The following DENND1B variants were observed in gnomAD, a reference collection of about 807,000 sequenced individuals.
The protein encoded by DENND1B is DENN domain containing 1B, also known as DENN domain-containing protein 1B.
In DENND1B, 59 loss-of-function variants were observed where a neutral mutation model predicts 90.1. That is an observed-to-expected ratio of 0.65 (90% CI 0.53 to 0.81). The LOEUF (loss-of-function observed/expected upper bound fraction) is 0.81. Among genes scored for constraint, DENND1B ranks in the 40% least tolerant of loss-of-function variants. The probability of loss-of-function intolerance (pLI) is 0.00; values close to 1 mark genes in which losing one functional copy is unlikely to be tolerated. For synonymous variants in DENND1B, 337 were observed against 324.6 expected (o/e 1.04, Z -0.41); for missense variants, 862 against 912.6 (o/e 0.94, Z 0.71).
Position 197,510,611 on chromosome 1 carries a change from A to G in DENND1B, c.2177T>C (p.Phe726Ser). Residue 726 changes from phenylalanine to serine, a missense_variant, in exon 23 of 23, where the codon TTT becomes TCT. Transcript: ENST00000620048. Reference sequence around the variant, plus strand: ...TTTCCCTTCTTTCTCCCAAGGAACAAAAGTCGATGAATGCCGCCCAAGACC... The same window carrying G: ...TTTCCCTTCTTTCTCCCAAGGAACAGAAGTCGATGAATGCCGCCCAAGACC... ...IPGLGRHSST[F>S]VPWEKEGKEA... The G allele has an allele frequency of 1.2e-6, 2 of 1,612,796 alleles. No individual in the cohort carries two copies. The highest frequency in any genetic ancestry group is 1.3e-5 in the African/African-American group (1 of 74,892).
At chr1:197,601,978 T>C (rs1676255390) in intron 13 of DENND1B, among the ~76,000 whole-genome samples, 1 of 151,624 alleles carries the variant, frequency 6.6e-6, no homozygotes. Flanking sequence ...TGATAATAAC[T>C]ATTTAAAAGA....
chr1:197,671,694 G>C (rs1655520150), intron 5 of DENND1B, among the ~76,000 whole-genome samples: 1 of 151,806 alleles, frequency 6.6e-6, no homozygotes, highest in Non-Finnish European at 1.5e-5. Context: ...TCCAAGTTCT[G>C]GTTCAGTGAC....
chr1:197,607,899 C>A (rs1438880718), intron 12 of DENND1B, among the ~76,000 whole-genome samples: 1 of 150,564 alleles, frequency 6.6e-6, no homozygotes, highest in Non-Finnish European at 1.5e-5. Context: ...ACTTATGGTT[C>A]ATTTTTCCTA....
At chr1:197,640,840 C>A (rs944839060) in intron 10 of DENND1B, among the ~76,000 whole-genome samples, 1 of 152,152 alleles carries the variant, frequency 6.6e-6, no homozygotes, top group African/African-American at 2.4e-5. Context: ...GGCACAGCGG[C>A]GTGTGCCTAT....
At chr1:197,551,774 C>T (rs1671262027) in intron 16 of DENND1B, among the ~76,000 whole-genome samples, 1 of 152,064 alleles carries the variant, frequency 6.6e-6, no homozygotes, top group Admixed American at 6.6e-5. Flanking sequence ...CATGGGCTGA[C>T]AAAATTTTGC....
chr1:197,538,776 G>C (rs1475405084), intron 20 of DENND1B, among the ~76,000 whole-genome samples: 3 of 146,364 alleles, frequency 2.0e-5, no homozygotes, highest in Non-Finnish European at 4.5e-5. Flanking sequence ...AAAATCTCAT[G>C]TTGAAATTTA....
chr1:197,722,563 C>A (rs965195218), intron 2 of DENND1B, among the ~76,000 whole-genome samples: 3 of 152,098 alleles, frequency 2.0e-5, no homozygotes, highest in African/African-American at 4.8e-5. Flanking sequence ...TGGCCTAAAT[C>A]TTACAGACTT....
chr1:197,658,063 G>A (rs1273511897), intron 6 of DENND1B, among the ~76,000 whole-genome samples: 3 of 152,136 alleles, frequency 2.0e-5, no homozygotes, highest in Admixed American at 1.3e-4. Flanking sequence ...TCATACAGAT[G>A]ATACAATGGT....
chr1:197,664,538 T>TC (rs775605216), intron 5 of DENND1B, among the ~76,000 whole-genome samples: 4 of 151,968 alleles, frequency 2.6e-5, no homozygotes, highest in Non-Finnish European at 5.9e-5. Context: ...TAAGAAGACT[T>TC]CCCCCACACT....
At chr1:197,585,030 G>A (rs906180254) in intron 14 of DENND1B, among the ~76,000 whole-genome samples, 19 of 151,886 alleles carry the variant, frequency 1.3e-4, no homozygotes, top group African/African-American at 7.3e-5. Context: ...TTTTTAAACC[G>A]GACTAATTTA....
chr1:197,636,474 T>A (rs1679805111), intron 10 of DENND1B, among the ~76,000 whole-genome samples: 1 of 152,164 alleles, frequency 6.6e-6, no homozygotes, highest in Admixed American at 6.6e-5. Context: ...TACTTTGGAA[T>A]CATACAGAAC....
At chr1:197,516,507 C>A (rs1668408434) in intron 20 of DENND1B, among the ~76,000 whole-genome samples, 1 of 151,676 alleles carries the variant, frequency 6.6e-6, no homozygotes, top group Non-Finnish European at 1.5e-5. Context: ...TAATCTGGGT[C>A]CATACAAGCT....
Position 197,642,634 on chromosome 1 carries a change from C to T in DENND1B, c.672+77G>A. 4 of 995,954 alleles carry T rather than the reference C, an allele frequency of 4.0e-6. No individual in the cohort carries two copies. In the South Asian group the frequency reaches 6.4e-5, roughly 16 times the overall value. The allele number at this position is 995,954 out of a possible 1,614,324, so 61.7% of individuals were successfully genotyped here. A position where few individuals can be genotyped will look rare whatever the true frequency, so the allele number is the denominator to read the frequency against. ...TCTTATAAGTACACATAGCACATTT[C>T]TAAATCTGCAAAGGTTTTTAGGTCT... On this transcript the variant is annotated intron_variant, in intron 10 of 22. Transcript: ENST00000620048.
intron 2 of DENND1B, among the ~76,000 whole-genome samples, chr1:197,730,258 A>G (rs1662030998): frequency 6.6e-6 from 1 of 152,102 alleles, no homozygotes; most frequent in African/African-American, 2.4e-5. Flanking sequence ...TCAAGGTTAA[A>G]TGCCTTTAGG....
chr1:197,529,094 A>C (rs1458683795), intron 20 of DENND1B, among the ~76,000 whole-genome samples: 1 of 151,106 alleles, frequency 6.6e-6, no homozygotes, highest in Non-Finnish European at 1.5e-5. Context: ...TCACACTGCA[A>C]ATGAAAAATA....
intron 3 of DENND1B, among the ~76,000 whole-genome samples, chr1:197,714,827 CCTT>C (rs1349661468): frequency 6.6e-6 from 1 of 151,994 alleles, no homozygotes; most frequent in Non-Finnish European, 1.5e-5. Context: ...TATAAGGACT[CCTT>C]CATCACCCAT....
intron 20 of DENND1B, among the ~76,000 whole-genome samples, chr1:197,538,600 C>T (rs6680870): frequency 0.059 from 8,843 of 150,066 alleles, 880 homozygotes; most frequent in African/African-American, 0.2. Context: ...TTATATATAC[C>T]TGGTATCTAG....
chr1:197,729,336 T>C (rs1661944391), intron 2 of DENND1B, among the ~76,000 whole-genome samples: 1 of 152,188 alleles, frequency 6.6e-6, no homozygotes, highest in Non-Finnish European at 1.5e-5. Context: ...CAAATAAAAT[T>C]ATTCCCTATC....
intron 15 of DENND1B, among the ~76,000 whole-genome samples, chr1:197,567,289 T>A (rs1002817222): frequency 6.6e-6 from 1 of 151,966 alleles, no homozygotes; most frequent in Non-Finnish European, 1.5e-5. Flanking sequence ...AATTCCTAGA[T>A]ACAACCTATC....
Sources: allele counts gnomAD v4.1 joint callset (sites outside exome capture counted in the v4.1 genomes callset), GRCh38; gene constraint gnomAD v4.1.1; transcripts MANE v1.5; gene names NCBI Gene and HGNC (gene_info 2026-07-23, HGNC 2026-07-21).